ARFGEF3: variants seen among roughly 807,000 people sequenced by gnomAD.
The protein encoded by ARFGEF3 is ARFGEF family member 3, also known as brefeldin A-inhibited guanine nucleotide-exchange protein 3.
ARFGEF3 carries 96 observed loss-of-function variants against 221.7 expected under a neutral mutation model. The ratio of observed to expected loss-of-function variants is 0.43; its 90% CI spans 0.37 to 0.51. The LOEUF is 0.51. Among genes scored for constraint, ARFGEF3 ranks in the 20% least tolerant of loss-of-function variants. The probability of loss-of-function intolerance (pLI) is 0.00; values close to 1 mark genes in which losing one functional copy is unlikely to be tolerated. For synonymous variants in ARFGEF3, 1,145 were observed against 1,126.8 expected (o/e 1.02, Z -0.32); for missense variants, 2,410 against 2,789.9 (o/e 0.86, Z 3.07).
intron 4 of ARFGEF3, among the ~76,000 whole-genome samples, chr6:138,226,886 C>A (rs1026937353): frequency 2.6e-5 from 4 of 152,186 alleles, no homozygotes; most frequent in African/African-American, 7.2e-5. Flanking sequence ...GCCCTTAATA[C>A]ATCTTGTGAG....
At chr6:138,313,428 T>C (rs992178314) in intron 25 of ARFGEF3, among the ~76,000 whole-genome samples, 1 of 152,222 alleles carries the variant, frequency 6.6e-6, no homozygotes. Context: ...GCCTGTGGAC[T>C]GTCTTCTCAG....
At chr6:138,261,701 C>CAAGG in intron 11 of ARFGEF3, 62 bp downstream of exon 11, 3 of 902,464 alleles carry the variant, frequency 3.3e-6, no homozygotes, top group Non-Finnish European at 4.8e-6. Flanking sequence ...TTTAACCTTG[C>CAAGG]TTACAAGTCC....
At chr6:138,204,657 A>G (rs1483711951) in intron 2 of ARFGEF3, among the ~76,000 whole-genome samples, 2 of 152,170 alleles carry the variant, frequency 1.3e-5, no homozygotes, top group Non-Finnish European at 2.9e-5. Context: ...TACATATATT[A>G]TTTACATATT....
chr6:138,167,463 T>C (rs951975443), intron 1 of ARFGEF3, among the ~76,000 whole-genome samples: 2 of 152,204 alleles, frequency 1.3e-5, no homozygotes, highest in African/African-American at 4.8e-5. Flanking sequence ...TGACTGTGTG[T>C]TCTTCCCCAC....
intron 32 of ARFGEF3, among the ~76,000 whole-genome samples, chr6:138,333,578 G>A (rs1036130864): frequency 6.6e-6 from 1 of 152,134 alleles, no homozygotes; most frequent in African/African-American, 2.4e-5. Context: ...AGTAAGCTGG[G>A]ACTACAGGTG....
chr6:138,249,248 T>C (rs1016337457), intron 8 of ARFGEF3, among the ~76,000 whole-genome samples: 3 of 152,088 alleles, frequency 2.0e-5, no homozygotes, highest in African/African-American at 7.2e-5. Context: ...AAACTAAAGG[T>C]TGTAGATTTC....
chr6:138,263,719 A>C lies in ARFGEF3; in HGVS notation c.2128+108A>C, dbSNP rs900721685. ...AGTTTGACGTGCTCAAAGCATATTA[A>C]TGTATCTTTGGGTTTCCCCAGTTTA... On this transcript the variant is annotated intron_variant, in intron 12 of 33. Transcript: ENST00000251691. 4 of 1,074,854 alleles carry C rather than the reference A, an allele frequency of 3.7e-6. No individual in the cohort carries two copies. In the South Asian group the frequency reaches 6.5e-5, roughly 17 times the overall value. The allele number at this position is 1,074,854 out of a possible 1,614,324, so 66.6% of individuals were successfully genotyped here. A position where few individuals can be genotyped will look rare whatever the true frequency, so the allele number is the denominator to read the frequency against.
In ARFGEF3 at chr6:138,336,475, A is replaced by T. The variant is rs1423116314; in HGVS notation, c.6523A>T (p.Ile2175Phe). 6.2e-7 allele frequency: 1 copy of T among 1,607,434 alleles called. No homozygotes were observed. The highest frequency in any genetic ancestry group is 8.5e-7 in the Non-Finnish European group (1 of 1,176,870). The change falls in exon 34 of 34, where the codon ATC becomes TTC. Residue 2175 changes from isoleucine (I) to phenylalanine (F), a missense_variant. Ile to Phe is a conservative substitution (Grantham distance 21, BLOSUM62 0). This residue lies in a region of ARFGEF3 where 339 missense variants were observed against 334.9 expected (regional missense o/e 1.01). Coordinates refer to ENST00000251691, the MANE Select transcript of ARFGEF3 (RefSeq NM_020340.5). ...WLGRVGRVYD[I>F]IV Reference sequence around the variant, plus strand: ...GGGCAGGGTGGGCCGTGTCTATGACATCATTGTGTAGCCGACTCCTGTTCT... The same window carrying T: ...GGGCAGGGTGGGCCGTGTCTATGACTTCATTGTGTAGCCGACTCCTGTTCT...
At chr6:138,221,608 T>C (rs1777983522) in intron 4 of ARFGEF3, among the ~76,000 whole-genome samples, 2 of 152,222 alleles carry the variant, frequency 1.3e-5, no homozygotes, top group Non-Finnish European at 2.9e-5. Context: ...GAGAAGAAAA[T>C]ATAAATAATG....
chr6:138,257,054 G>A (rs950966842), intron 10 of ARFGEF3, among the ~76,000 whole-genome samples: 2 of 152,192 alleles, frequency 1.3e-5, no homozygotes, highest in Non-Finnish European at 2.9e-5. Flanking sequence ...CATTACAGGT[G>A]TGAGCCACCA....
Position 138,286,045 on chromosome 6 carries a change from C to T in ARFGEF3, c.2561C>T (p.Thr854Ile). The T allele has an allele frequency of 6.3e-7, 1 of 1,593,192 alleles. No homozygotes were observed. The highest frequency in any genetic ancestry group is 8.6e-7 in the Non-Finnish European group (1 of 1,168,386). Residue 854 changes from threonine (T) to isoleucine (I), a missense_variant, in exon 15 of 34, where the codon ACA becomes ATA. By Grantham distance (89) the Thr-to-Ile change is moderately conservative. This residue lies in a region of ARFGEF3 where 594 missense variants were observed against 734.3 expected (regional missense o/e 0.81). Coordinates refer to ENST00000251691, the MANE Select transcript of ARFGEF3 (RefSeq NM_020340.5). Reference sequence around the variant, plus strand: ...CAGAGCAGGAGAATTGATGACTCCACAGTGGCAGGTAATGACTTGGGTCTT... The same window carrying T: ...CAGAGCAGGAGAATTGATGACTCCATAGTGGCAGGTAATGACTTGGGTCTT... ...FAQSRRIDDS[T>I]VAGVAFARYI...
At chr6:138,306,846 A>G (rs1330124619) in intron 22 of ARFGEF3, among the ~76,000 whole-genome samples, 1 of 152,090 alleles carries the variant, frequency 6.6e-6, no homozygotes, top group Non-Finnish European at 1.5e-5. Context: ...ACCAAAATTA[A>G]GAACTTTTAA....
In ARFGEF3 at chr6:138,289,711, A is replaced by G. The variant is rs921946645; in HGVS notation, c.2897-107A>G. 9 of 1,210,458 alleles carry G rather than the reference A, an allele frequency of 7.4e-6. No individual in the cohort carries two copies. The East Asian group carries it at 2.3e-4, about 31-fold the overall frequency. The allele number at this position is 1,210,458 out of a possible 1,614,324, so 75.0% of individuals were successfully genotyped here. On this transcript the variant is annotated intron_variant, in intron 17 of 33. Transcript: ENST00000251691. Reference sequence around the variant, plus strand: ...CTGTGGAGGTGCTTGCTGCCACTGAAGTCTGTCCTTTCCCTTTTGCCCTTG... The same window carrying G: ...CTGTGGAGGTGCTTGCTGCCACTGAGGTCTGTCCTTTCCCTTTTGCCCTTG...
intron 22 of ARFGEF3, among the ~76,000 whole-genome samples, chr6:138,299,026 C>T (rs374122514): frequency 1.3e-5 from 2 of 151,756 alleles, no homozygotes; most frequent in Admixed American, 6.6e-5. Context: ...GGTGAAACCC[C>T]GTCTCTACTA....
chr6:138,303,718 C>T (rs1288941200), intron 22 of ARFGEF3, among the ~76,000 whole-genome samples: 1 of 151,902 alleles, frequency 6.6e-6, no homozygotes, highest in Non-Finnish European at 1.5e-5. Context: ...AGGAGAATCA[C>T]TTGAACCCAG....
chr6:138,250,824 A>C (rs916099091), intron 8 of ARFGEF3, among the ~76,000 whole-genome samples: 1 of 152,208 alleles, frequency 6.6e-6, no homozygotes, highest in Non-Finnish European at 1.5e-5. Context: ...AGACCAAGAA[A>C]AGTGACTTAC....
chr6:138,325,606 A>T (rs1780112950), intron 31 of ARFGEF3, among the ~76,000 whole-genome samples: 1 of 152,254 alleles, frequency 6.6e-6, no homozygotes, highest in African/African-American at 2.4e-5. Flanking sequence ...GCTAGAAGTG[A>T]GAACAGAGAA....
At chr6:138,268,740 G>A (rs886468952) in intron 12 of ARFGEF3, among the ~76,000 whole-genome samples, 3 of 152,162 alleles carry the variant, frequency 2.0e-5, no homozygotes, top group African/African-American at 7.2e-5. Context: ...AAGGGTCATC[G>A]GCACTGACTT....
intron 27 of ARFGEF3, among the ~76,000 whole-genome samples, chr6:138,319,369 A>ATGAT (rs1562214606): frequency 6.6e-6 from 1 of 151,824 alleles, no homozygotes; most frequent in East Asian, 1.9e-4. Flanking sequence ...TCATAAATGT[A>ATGAT]TGATTTCAAA....
Sources: gnomAD v4.1 joint callset for allele counts (sites outside exome capture counted in the v4.1 genomes callset) on GRCh38, gnomAD v4.1.1 for gene constraint, gnomAD v4.1.1 regional missense constraint, MANE v1.5 for transcripts, NCBI Gene and HGNC (gene_info 2026-07-23, HGNC 2026-07-21) for gene names.